TTLL11: variants seen among roughly 807,000 people sequenced by gnomAD.
TTLL11 encodes the protein tubulin polyglutamylase TTLL11.
In TTLL11, 42 loss-of-function variants were observed where a neutral mutation model predicts 51.7. The ratio of observed to expected loss-of-function variants is 0.81; its 90% CI spans 0.64 to 1.05. TTLL11 has a LOEUF of 1.05. Ranked by LOEUF, TTLL11 falls within the 50% of genes least tolerant of loss-of-function variation. TTLL11 has a pLI of 0.00. For synonymous variants in TTLL11, 381 were observed against 383.5 expected (o/e 0.99, Z 0.08); for missense variants, 799 against 940.4 (o/e 0.85, Z 1.97).
At chr9:121,950,915 C>T (rs1270603174) in intron 6 of TTLL11, among the ~76,000 whole-genome samples, 3 of 152,162 alleles carry the variant, frequency 2.0e-5, no homozygotes, top group Non-Finnish European at 4.4e-5. Context: ...AACCCGAAAG[C>T]GCTTGGCCAC....
chr9:121,960,464 C>G (rs1398082613), intron 6 of TTLL11, among the ~76,000 whole-genome samples: 1 of 152,120 alleles, frequency 6.6e-6, no homozygotes, highest in Non-Finnish European at 1.5e-5. Flanking sequence ...CAGCCCTCAC[C>G]AAGATTTGCT....
At chr9:121,859,190 T>G (rs1011748602) in intron 8 of TTLL11, among the ~76,000 whole-genome samples, 2 of 70,656 alleles carry the variant, frequency 2.8e-5, no homozygotes, top group Non-Finnish European at 6.0e-5. Context: ...TTATAATTTT[T>G]TTAGAAAAAC....
At chr9:121,876,958 G>C (rs889833296) in intron 6 of TTLL11, among the ~76,000 whole-genome samples, 1 of 152,252 alleles carries the variant, frequency 6.6e-6, no homozygotes, top group Non-Finnish European at 1.5e-5. Context: ...AACTAGGGCA[G>C]TTGTAATGGG....
chr9:122,080,243 A>T (rs1845968126), intron 1 of TTLL11, among the ~76,000 whole-genome samples: 1 of 152,186 alleles, frequency 6.6e-6, no homozygotes, highest in Admixed American at 6.5e-5. Context: ...TATTCTTCAA[A>T]AGTAAGTATT....
At chr9:121,867,079 G>C (rs1294334165) in intron 7 of TTLL11, among the ~76,000 whole-genome samples, 1 of 152,134 alleles carries the variant, frequency 6.6e-6, no homozygotes, top group Admixed American at 6.5e-5. Context: ...GAATCTTCTT[G>C]GTTAGAGCCA....
chr9:121,962,174 C>T (rs1395876370), intron 6 of TTLL11, among the ~76,000 whole-genome samples: 7 of 152,164 alleles, frequency 4.6e-5, no homozygotes. Context: ...ATCAGGTTAG[C>T]TCTGGGTGGC....
intron 3 of TTLL11, among the ~76,000 whole-genome samples, chr9:121,991,273 A>T (rs550253831): frequency 4.7e-4 from 72 of 152,342 alleles, no homozygotes; most frequent in Non-Finnish European, 7.3e-4. Context: ...ACTATCACTT[A>T]TTCTGGGCTT....
chr9:121,826,491 A>G lies in TTLL11; in HGVS notation c.1841-3612T>C, dbSNP rs546113524. Among the ~76,000 whole-genome samples the G allele has an allele frequency of 2.1e-3, 134 of 64,998 alleles. 4 individuals are homozygous for G. The South Asian group carries it at 0.037, about 18-fold the overall frequency. The allele number at this position is 64,998 out of a possible 152,430, so 42.6% of individuals were successfully genotyped here. A position where few individuals can be genotyped will look rare whatever the true frequency, so the allele number is the denominator to read the frequency against. The stretch of plus-strand genomic sequence containing the variant: ...TGTATATATATATATGTATATATAT[A>G]TATGTGTGTGTATATATATATATGT... On this transcript the variant is annotated intron_variant, in intron 8 of 8. Coordinates refer to ENST00000321582, the MANE Select transcript of TTLL11 (RefSeq NM_001139442.2).
chr9:122,028,131 A>G (rs1315934814), intron 3 of TTLL11, among the ~76,000 whole-genome samples: 2 of 152,206 alleles, frequency 1.3e-5, no homozygotes, highest in East Asian at 1.9e-4. Context: ...AAAGATTTTT[A>G]AAAGAAGTAT....
intron 3 of TTLL11, among the ~76,000 whole-genome samples, chr9:121,998,813 A>ATTTG (rs757736323): frequency 1.3e-5 from 2 of 151,754 alleles, no homozygotes; most frequent in Admixed American, 1.3e-4. Flanking sequence ...TCACTTATTC[A>ATTTG]TTTGTTTGTT....
At chr9:122,013,911 A>C (rs1843890206) in intron 3 of TTLL11, among the ~76,000 whole-genome samples, 1 of 152,230 alleles carries the variant, frequency 6.6e-6, no homozygotes. Context: ...AGTCCAGGAA[A>C]GCCAAACCCA....
At chr9:121,911,027 A>G (rs911646790) in intron 6 of TTLL11, among the ~76,000 whole-genome samples, 8 of 152,212 alleles carry the variant, frequency 5.3e-5, no homozygotes, top group African/African-American at 1.9e-4. Flanking sequence ...AACAATAATA[A>G]TGATGGTCAC....
At chr9:122,007,475 CAAAAAAAAAAA>C (rs59238464) in intron 3 of TTLL11, among the ~76,000 whole-genome samples, 1 of 94,744 alleles carries the variant, frequency 1.1e-5, no homozygotes, top group Non-Finnish European at 2.2e-5. Context: ...AATTCCATCT[CAAAAAAAAAAA>C]AAAAGAAAAA....
At chr9:121,930,240 C>T (rs1277184193) in intron 6 of TTLL11, among the ~76,000 whole-genome samples, 1 of 152,164 alleles carries the variant, frequency 6.6e-6, no homozygotes, top group African/African-American at 2.4e-5. Flanking sequence ...CCCTGTCATA[C>T]CGTGTTGCTG....
chr9:121,998,921 T>G (rs7019348), intron 3 of TTLL11, among the ~76,000 whole-genome samples: 243 of 152,338 alleles, frequency 1.6e-3, no homozygotes, highest in African/African-American at 5.6e-3. Context: ...ATTATGGGCA[T>G]GAGCCACTGT....
intron 3 of TTLL11, among the ~76,000 whole-genome samples, chr9:122,024,040 A>G (rs73662569): frequency 0.024 from 3,716 of 152,250 alleles, 147 homozygotes; most frequent in African/African-American, 0.085. Context: ...GTAATAGTCC[A>G]TATAGAAAAT....
intron 6 of TTLL11, among the ~76,000 whole-genome samples, chr9:121,873,821 A>ATTAGCCTGACT (rs1838455723): frequency 7.6e-6 from 1 of 131,018 alleles, no homozygotes; most frequent in Non-Finnish European, 1.6e-5. Context: ...GTGCACCACC[A>ATTAGCCTGACT]TTAGCCTGAC....
intron 3 of TTLL11, among the ~76,000 whole-genome samples, chr9:121,999,057 C>T (rs1843379454): frequency 6.6e-6 from 1 of 152,180 alleles, no homozygotes; most frequent in Non-Finnish European, 1.5e-5. Flanking sequence ...GCAGTATTTC[C>T]CTCATCCCTC....
chr9:121,999,050 G>C (rs915807379), intron 3 of TTLL11, among the ~76,000 whole-genome samples: 12 of 152,214 alleles, frequency 7.9e-5, no homozygotes, highest in Non-Finnish European at 1.3e-4. Flanking sequence ...GACAGGGGCA[G>C]TATTTCCCTC....
Sources: gnomAD v4.1 joint callset for allele counts (sites outside exome capture counted in the v4.1 genomes callset) on GRCh38, gnomAD v4.1.1 for gene constraint, MANE v1.5 for transcripts, NCBI Gene and HGNC (gene_info 2026-07-23, HGNC 2026-07-21) for gene names.